SAMD12: variants seen among roughly 807,000 people sequenced by gnomAD.
SAMD12 encodes sterile alpha motif domain-containing protein 12.
SAMD12 carries 9 observed loss-of-function variants against 15.0 expected under a neutral mutation model. That is an observed-to-expected ratio of 0.60 (90% confidence interval 0.36 to 1.05). The LOEUF (loss-of-function observed/expected upper bound fraction) is 1.05. SAMD12 is among the 50% of genes least tolerant of loss of function. The pLI is 0.01. For missense variants in SAMD12, 230 were observed against 234.2 expected (o/e 0.98, Z 0.12); for synonymous variants, 86 against 90.1 (o/e 0.96, Z 0.25).
At chr8:118,331,582 G>A (rs1816808055) in intron 4 of SAMD12, among the ~76,000 whole-genome samples, 1 of 152,176 alleles carries the variant, frequency 6.6e-6, no homozygotes, top group Non-Finnish European at 1.5e-5. Context: ...AGTGAAGGCA[G>A]CAAGAAGATA....
intron 2 of SAMD12, among the ~76,000 whole-genome samples, chr8:118,447,118 T>C (rs1822937647): frequency 6.6e-6 from 1 of 152,120 alleles, no homozygotes; most frequent in Non-Finnish European, 1.5e-5. Flanking sequence ...ACTCCACATA[T>C]AATCTATTAG....
At chr8:118,316,667 A>C (rs1166549786) in intron 4 of SAMD12, among the ~76,000 whole-genome samples, 1 of 152,132 alleles carries the variant, frequency 6.6e-6, no homozygotes, top group Admixed American at 6.6e-5. Flanking sequence ...TAACTGGTAC[A>C]ACCACTTGGC....
chr8:118,538,460 T>A (rs542602181), intron 2 of SAMD12, among the ~76,000 whole-genome samples: 14 of 152,192 alleles, frequency 9.2e-5, no homozygotes, highest in Non-Finnish European at 1.9e-4. Flanking sequence ...TTCCCCTCCA[T>A]TAGGGCTGGT....
chr8:118,349,144 A>T (rs770235043), intron 4 of SAMD12, among the ~76,000 whole-genome samples: 7 of 152,252 alleles, frequency 4.6e-5, no homozygotes, highest in Non-Finnish European at 1.0e-4. Flanking sequence ...AAAAAAGAAC[A>T]GGGAAAGATG....
At chr8:118,531,365 T>C (rs1168237072) in intron 2 of SAMD12, among the ~76,000 whole-genome samples, 3 of 152,248 alleles carry the variant, frequency 2.0e-5, no homozygotes, top group African/African-American at 4.8e-5. Flanking sequence ...GGTAGCGTGA[T>C]GCCTCCAGCT....
intron 2 of SAMD12, among the ~76,000 whole-genome samples, chr8:118,515,878 C>T (rs966975579): frequency 1.2e-4 from 19 of 152,342 alleles, no homozygotes; most frequent in African/African-American, 3.6e-4. Context: ...AGACTCCAGT[C>T]CCCAGCCCTC....
Position 118,553,801 on chromosome 8 carries a change from T to C in SAMD12, c.192+26914A>G, listed in dbSNP as rs527570231. Among the ~76,000 whole-genome samples the C allele has an allele frequency of 2.4e-4, 36 of 149,682 alleles. No homozygotes were observed. The South Asian group carries it at 7.6e-3, about 31-fold the overall frequency. On this transcript the variant is annotated intron_variant, in intron 2 of 3. Transcript: ENST00000314727. ...CTACTCATCTGACAAAGGGCTAATA[T>C]CCAGAATCTACAATGAACTCAAACA...
chr8:118,562,668 G>A (rs2131214545), intron 2 of SAMD12, among the ~76,000 whole-genome samples: 1 of 152,300 alleles, frequency 6.6e-6, no homozygotes, highest in Non-Finnish European at 1.5e-5. Context: ...TGTAGCCACA[G>A]ATCAAATCAC....
intron 4 of SAMD12, among the ~76,000 whole-genome samples, chr8:118,290,311 A>T (rs1814293240): frequency 6.6e-6 from 1 of 152,210 alleles, no homozygotes. Flanking sequence ...ATTAAGTAGC[A>T]GTGTAGTTAA....
chr8:118,615,637 A>G (rs1243295738), intron 1 of SAMD12, among the ~76,000 whole-genome samples: 1 of 152,168 alleles, frequency 6.6e-6, no homozygotes, highest in African/African-American at 2.4e-5. Context: ...TCAGATCCCC[A>G]GCTCCCCCTA....
intron 2 of SAMD12, among the ~76,000 whole-genome samples, chr8:118,485,960 T>C (rs1270209437): frequency 6.6e-6 from 1 of 152,174 alleles, no homozygotes; most frequent in African/African-American, 2.4e-5. Flanking sequence ...GAGAATTTCA[T>C]GAAGGTAGTT....
intron 4 of SAMD12, among the ~76,000 whole-genome samples, chr8:118,203,597 T>A (rs1819774347): frequency 6.6e-6 from 1 of 152,086 alleles, no homozygotes; most frequent in Non-Finnish European, 1.5e-5. Context: ...TCTATTTTTT[T>A]ATTATTATTA....
chr8:118,610,824 C>A (rs554938334), intron 1 of SAMD12, among the ~76,000 whole-genome samples: 1 of 152,288 alleles, frequency 6.6e-6, no homozygotes, highest in East Asian at 1.9e-4. Flanking sequence ...TTTCCATATA[C>A]AAATTATGCC....
chr8:118,529,487 A>G (rs1825626101), intron 2 of SAMD12, among the ~76,000 whole-genome samples: 1 of 152,222 alleles, frequency 6.6e-6, no homozygotes, highest in African/African-American at 2.4e-5. Context: ...TGGTATAACC[A>G]TCACCCAAAT....
the SAMD12 span, among the ~76,000 whole-genome samples, chr8:118,176,183 C>T: frequency 7.9e-3 from 1,203 of 152,250 alleles, 19 homozygotes; most frequent in South Asian, 0.04. Flanking sequence ...CGCCTGTAGT[C>T]CCAGCTACTC....
the SAMD12 span, among the ~76,000 whole-genome samples, chr8:118,132,356 C>T: frequency 6.6e-6 from 1 of 152,164 alleles, no homozygotes; most frequent in Admixed American, 6.5e-5. Context: ...AGCAGTGTCC[C>T]CAATTCTGCA....
At chr8:118,309,118 G>A (rs1000955820) in intron 4 of SAMD12, among the ~76,000 whole-genome samples, 1 of 152,140 alleles carries the variant, frequency 6.6e-6, no homozygotes, top group African/African-American at 2.4e-5. Flanking sequence ...TGCACCCAAA[G>A]TGTAGTCTTG....
chr8:118,485,683 A>AT (rs1329703142), intron 2 of SAMD12, among the ~76,000 whole-genome samples: 3 of 152,174 alleles, frequency 2.0e-5, no homozygotes, highest in Admixed American at 6.5e-5. Flanking sequence ...ATAATTTTGA[A>AT]TTTTCTGATT....
At chr8:118,400,742 A>G (rs575743338) in intron 3 of SAMD12, 11 of 152,266 alleles carry the variant, frequency 7.2e-5, no homozygotes, top group African/African-American at 2.6e-4. Flanking sequence ...AAATCAACAC[A>G]CACTCCACCA....
Sources: allele counts gnomAD v4.1 joint callset (sites outside exome capture counted in the v4.1 genomes callset), GRCh38; gene constraint gnomAD v4.1.1; transcripts MANE v1.5; gene names NCBI Gene and HGNC (gene_info 2026-07-23, HGNC 2026-07-21).